Variants in CTNND2 observed in about 807,000 individuals in gnomAD.
The protein encoded by CTNND2 is catenin delta-2.
CTNND2 carries 22 observed loss-of-function variants against 144.4 expected under a neutral mutation model. That is an observed-to-expected ratio of 0.15 (90% confidence interval 0.11 to 0.22). CTNND2 has a LOEUF of 0.22. Among genes scored for constraint, CTNND2 ranks in the 10% least tolerant of loss-of-function variants. CTNND2 has a pLI of 1.00. For synonymous variants in CTNND2, 751 were observed against 695.6 expected (o/e 1.08, Z -1.25); for missense variants, 1,353 against 1,618.8 (o/e 0.84, Z 2.82).
chr5:11,615,339 C>T (rs974513571), intron 2 of CTNND2, among the ~76,000 whole-genome samples: 3 of 152,136 alleles, frequency 2.0e-5, no homozygotes, highest in African/African-American at 7.2e-5. Flanking sequence ...TATTTGTATA[C>T]AGTCCCTTAA....
intron 16 of CTNND2, among the ~76,000 whole-genome samples, chr5:11,050,588 T>C (rs1382749787): frequency 6.6e-6 from 1 of 152,148 alleles, no homozygotes; most frequent in African/African-American, 2.4e-5. Context: ...AATATGCAAA[T>C]GGACAATGGT....
chr5:11,606,844 AC>A (rs1041186654), intron 2 of CTNND2, among the ~76,000 whole-genome samples: 9 of 152,158 alleles, frequency 5.9e-5, no homozygotes, highest in Non-Finnish European at 1.2e-4. Flanking sequence ...AGGAGATTAC[AC>A]CTTGTTATGG....
At chr5:11,387,418 C>G (rs1023740136) in intron 6 of CTNND2, among the ~76,000 whole-genome samples, 1 of 151,988 alleles carries the variant, frequency 6.6e-6, no homozygotes, top group Non-Finnish European at 1.5e-5. Flanking sequence ...TTGGAGGGTG[C>G]GGAGTGGGCC....
intron 3 of CTNND2, among the ~76,000 whole-genome samples, chr5:11,543,966 G>A (rs940151561): frequency 2.6e-5 from 4 of 151,974 alleles, no homozygotes; most frequent in East Asian, 1.9e-4. Flanking sequence ...ATCCACAATC[G>A]GAAATCTTAC....
intron 1 of CTNND2, among the ~76,000 whole-genome samples, chr5:11,757,584 G>A (rs937493149): frequency 4.3e-4 from 65 of 152,016 alleles, no homozygotes; most frequent in Middle Eastern, 3.4e-3. Flanking sequence ...ACAACATAAA[G>A]GAATGCCAAA....
At chr5:11,448,917 C>T (rs1242023282) in intron 3 of CTNND2, among the ~76,000 whole-genome samples, 2 of 151,380 alleles carry the variant, frequency 1.3e-5, no homozygotes, top group Non-Finnish European at 2.9e-5. Flanking sequence ...TGTCCAGGCT[C>T]GTCTTGAATT....
chr5:11,450,704 C>T (rs929707291), intron 3 of CTNND2, among the ~76,000 whole-genome samples: 1 of 151,900 alleles, frequency 6.6e-6, no homozygotes, highest in African/African-American at 2.4e-5. Context: ...TCGAGACCAT[C>T]CTGGCTAACA....
At chr5:11,038,765 T>C (rs76287609) in intron 16 of CTNND2, among the ~76,000 whole-genome samples, 1 of 152,216 alleles carries the variant, frequency 6.6e-6, no homozygotes, top group African/African-American at 2.4e-5. Flanking sequence ...AGATTTAACA[T>C]CATATAGCTC....
intron 1 of CTNND2, among the ~76,000 whole-genome samples, chr5:11,892,202 G>A (rs1417467535): frequency 6.6e-6 from 1 of 152,052 alleles, no homozygotes; most frequent in Non-Finnish European, 1.5e-5. Flanking sequence ...ATGCAGCTTA[G>A]CTTGTTGATG....
At chr5:11,061,648 G>T (rs770514176) in intron 16 of CTNND2, among the ~76,000 whole-genome samples, 2 of 151,806 alleles carry the variant, frequency 1.3e-5, no homozygotes, top group Non-Finnish European at 2.9e-5. Flanking sequence ...CCTTCCCCTT[G>T]TCACTCTCTA....
rs71582432 is a variant in CTNND2, at chr5:11,382,595, CTGTGTGTGTGTGTGTG to C, written c.1177+2054_1177+2069del. 1.9e-3 allele frequency among the ~76,000 whole-genome samples: 243 copies of C among 130,228 alleles called. 1 individual carries two copies. In the East Asian group the frequency reaches 0.03, roughly 16 times the overall value. 85.4% of individuals were successfully genotyped at this position (130,228 alleles called of 152,430 possible). A position where few individuals can be genotyped will look rare whatever the true frequency, so the allele number is the denominator to read the frequency against. ...CCTGGGCAACCGACAGAGTGAGACT[CTGTGTGTGTGTGTGTG>C]TGTGTGTGTGTGTGTGTGTGTGTGT... On this transcript the variant is annotated intron_variant, in intron 7 of 21. Coordinates refer to ENST00000304623, the MANE Select transcript of CTNND2 (RefSeq NM_001332.4).
intron 3 of CTNND2, among the ~76,000 whole-genome samples, chr5:11,480,644 A>ATG (rs112150074): frequency 0.016 from 2,193 of 138,124 alleles, 44 homozygotes; most frequent in Middle Eastern, 0.046. Context: ...GAAAATACAT[A>ATG]TATGTGTGTG....
chr5:11,638,868 C>A (rs570495659), intron 2 of CTNND2, among the ~76,000 whole-genome samples: 2 of 152,136 alleles, frequency 1.3e-5, no homozygotes, highest in Non-Finnish European at 2.9e-5. Context: ...GCCACTGCAC[C>A]CCGGCCATAA....
intron 10 of CTNND2, among the ~76,000 whole-genome samples, chr5:11,236,327 A>C (rs1741633976): frequency 6.6e-6 from 1 of 152,190 alleles, no homozygotes; most frequent in Non-Finnish European, 1.5e-5. Flanking sequence ...TGTAATTTGG[A>C]GATAACAATT....
intron 2 of CTNND2, among the ~76,000 whole-genome samples, chr5:11,698,327 C>T (rs1438633362): frequency 2.0e-5 from 3 of 148,618 alleles, no homozygotes; most frequent in Admixed American, 6.8e-5. Context: ...CTCGCTCTGT[C>T]GCCCAGGCTG....
chr5:11,585,630 A>G (rs955259658), intron 2 of CTNND2, among the ~76,000 whole-genome samples: 2 of 152,144 alleles, frequency 1.3e-5, no homozygotes, highest in Non-Finnish European at 2.9e-5. Flanking sequence ...CATGAAGTTT[A>G]CATTCTAATG....
chr5:11,347,929 G>C (rs951079769), intron 8 of CTNND2, among the ~76,000 whole-genome samples: 9 of 152,142 alleles, frequency 5.9e-5, no homozygotes, highest in African/African-American at 2.2e-4. Flanking sequence ...AAAGTGAATG[G>C]GAGGAATACA....
At chr5:11,232,311 C>A in intron 10 of CTNND2, among the ~76,000 whole-genome samples, 1 of 124,600 alleles carries the variant, frequency 8.0e-6, no homozygotes, top group East Asian at 2.6e-4. Flanking sequence ...ACAGCTTGCA[C>A]CATGTGCCTG....
intron 10 of CTNND2, among the ~76,000 whole-genome samples, chr5:11,213,702 C>T (rs1323382623): frequency 1.3e-5 from 2 of 152,076 alleles, no homozygotes; most frequent in African/African-American, 4.8e-5. Flanking sequence ...AGAAGGAGAC[C>T]TTCTCCCAGG....
Sources: gnomAD v4.1 joint callset for allele counts (sites outside exome capture counted in the v4.1 genomes callset) on GRCh38, gnomAD v4.1.1 for gene constraint, MANE v1.5 for transcripts, NCBI Gene and HGNC (gene_info 2026-07-23, HGNC 2026-07-21) for gene names.